RBM28: variants seen among roughly 807,000 people sequenced by gnomAD.
RBM28 encodes the protein RNA binding motif protein 28.
In RBM28, 78 loss-of-function variants were observed where a neutral mutation model predicts 98.3. The ratio of observed to expected loss-of-function variants is 0.79; its 90% confidence interval spans 0.66 to 0.96. The LOEUF (loss-of-function observed/expected upper bound fraction) is 0.96, where lower values mean the gene tolerates loss of function less well. Among genes scored for constraint, RBM28 ranks in the 40% least tolerant of loss-of-function variants. RBM28 has a pLI of 0.00. For missense variants in RBM28, 838 were observed against 913.0 expected (o/e 0.92, Z 1.06); for synonymous variants, 306 against 330.9 (o/e 0.92, Z 0.82).
At chr7:128,338,662 T>C in intron 4 of RBM28, 64 bp downstream of exon 4, 5 of 1,171,058 alleles carry the variant, frequency 4.3e-6, no homozygotes, top group Non-Finnish European at 3.9e-6. Flanking sequence ...ATATATCATA[T>C]ATGTTTGTTC....
chr7:128,302,062 G>A lies in RBM28; in HGVS notation c.*8735C>T, dbSNP rs1795788785. ...TCTTCTTCTGGGCCTCTGGGCCAGA[G>A]ACAGGCATTTTACTTGATGCGATCA... On this transcript the variant is annotated 3_prime_UTR_variant, in exon 19 of 19. Coordinates refer to ENST00000223073, the MANE Select transcript of RBM28 (RefSeq NM_018077.3). 6.6e-6 allele frequency: 1 copy of A among 152,178 alleles called. No homozygotes were observed. The allele number at this position is 152,178 out of a possible 1,614,324, so 9.4% of individuals were successfully genotyped here. A position where few individuals can be genotyped will look rare whatever the true frequency, so the allele number is the denominator to read the frequency against.
At chr7:128,326,127 AC>A (rs2116354802) in intron 10 of RBM28, among the ~76,000 whole-genome samples, 1 of 152,110 alleles carries the variant, frequency 6.6e-6, no homozygotes, top group African/African-American at 2.4e-5. Flanking sequence ...ACACAGTGAA[AC>A]CCCGTCGCTA....
intron 5 of RBM28, 92 bp from the exon 6 acceptor site, chr7:128,337,294 C>A: frequency 7.8e-7 from 1 of 1,277,732 alleles, no homozygotes; most frequent in South Asian, 1.2e-5. Flanking sequence ...AATAATGGAA[C>A]CAGTGGAGAC....
chr7:128,317,788 T>C (rs932065280), intron 15 of RBM28, 55 bp from the exon 16 acceptor site: 3 of 1,495,482 alleles, frequency 2.0e-6, no homozygotes, highest in Admixed American at 3.4e-5. Flanking sequence ...GTGCATGCAA[T>C]GAGCTGAGTT....
At chr7:128,340,907 G>A (rs1214003494) in intron 1 of RBM28, among the ~76,000 whole-genome samples, 1 of 152,150 alleles carries the variant, frequency 6.6e-6, no homozygotes, top group Non-Finnish European at 1.5e-5. Context: ...GTCACACAGG[G>A]TGTTAGTAGC....
chr7:128,313,444 G>C (rs1796032154), intron 17 of RBM28, among the ~76,000 whole-genome samples, 170 bp from the exon 18 acceptor site: 1 of 152,134 alleles, frequency 6.6e-6, no homozygotes, highest in South Asian at 2.1e-4. Context: ...AGGACTGCTT[G>C]ATGCCAGGAG....
At chr7:128,337,272 G>A (rs1796621967) in intron 5 of RBM28, 70 bp from the exon 6 acceptor site, 1 of 1,457,004 alleles carries the variant, frequency 6.9e-7, no homozygotes, top group East Asian at 2.3e-5. Context: ...ATGACCCCTA[G>A]TCATCACAGA....
At chr7:128,320,071 G>A (rs1332175606) in intron 14 of RBM28, among the ~76,000 whole-genome samples, 1 of 152,056 alleles carries the variant, frequency 6.6e-6, no homozygotes, top group East Asian at 1.9e-4. Context: ...ACAAAAATCA[G>A]CTGGGCGTGG....
At chr7:128,341,306 A>C (rs1796719148) in intron 1 of RBM28, 1 of 618,324 alleles carries the variant, frequency 1.6e-6, no homozygotes, top group Non-Finnish European at 2.5e-6. Context: ...GAAAATGAGC[A>C]CAAGAAAATT....
chr7:128,311,171 G>C (rs1005332195), intron 18 of RBM28, among the ~76,000 whole-genome samples: 5 of 152,098 alleles, frequency 3.3e-5, no homozygotes, highest in African/African-American at 1.2e-4. Flanking sequence ...CTGTCTGCTG[G>C]GGACTCAGGG....
chr7:128,319,855 C>CT (rs1796184123), intron 14 of RBM28, among the ~76,000 whole-genome samples: 1 of 152,082 alleles, frequency 6.6e-6, no homozygotes, highest in South Asian at 2.1e-4. Flanking sequence ...GGGGAATCAT[C>CT]TGAGCTCAGG....
intron 13 of RBM28, among the ~76,000 whole-genome samples, chr7:128,322,463 G>A (rs1796258114): frequency 6.6e-6 from 1 of 151,936 alleles, no homozygotes; most frequent in Non-Finnish European, 1.5e-5. Context: ...CTTCTTGTTT[G>A]GTAAAAGTAC....
At chr7:128,342,011 T>C (rs1796735137) in intron 1 of RBM28, among the ~76,000 whole-genome samples, 1 of 152,088 alleles carries the variant, frequency 6.6e-6, no homozygotes, top group African/African-American at 2.4e-5. Flanking sequence ...ATTCAAAAAT[T>C]GGCCAGGCAT....
intron 8 of RBM28, among the ~76,000 whole-genome samples, chr7:128,333,747 T>C (rs997908761): frequency 1.4e-4 from 22 of 151,914 alleles, no homozygotes; most frequent in African/African-American, 4.8e-4. Flanking sequence ...AAAATAAAAA[T>C]AGACAAAGGA....
In RBM28 at chr7:128,310,688, C is replaced by T; in HGVS notation, c.*109G>A. ...GGCACCTCCGAGCACAGTGGCAGTGCCCTTGGGGATTTTCTTTCCCTCAGT... is the reference window on the plus strand; with the variant it reads ...GGCACCTCCGAGCACAGTGGCAGTGTCCTTGGGGATTTTCTTTCCCTCAGT... On this transcript the variant is annotated 3_prime_UTR_variant, in exon 19 of 19. Transcript: ENST00000223073. 1 of 1,445,090 alleles carries T rather than the reference C, an allele frequency of 6.9e-7. No individual in the cohort carries two copies. Among genetic ancestry groups the T allele is most frequent in the Admixed American group, 1.7e-5 (1 of 59,788 alleles). The allele number at this position is 1,445,090 out of a possible 1,614,324, so 89.5% of individuals were successfully genotyped here. A position where few individuals can be genotyped will look rare whatever the true frequency, so the allele number is the denominator to read the frequency against.
rs1187050094 is a variant in RBM28 at position 128,307,698 on chromosome 7, T to C, written c.*3099A>G. ...GAACAGCTGCACATCATCTTAAGATTCCTTATTTAAAGGTTGTATCTCTAA... is the reference window on the plus strand; with the variant it reads ...GAACAGCTGCACATCATCTTAAGATCCCTTATTTAAAGGTTGTATCTCTAA... On this transcript the variant is annotated 3_prime_UTR_variant, in exon 19 of 19. Coordinates refer to ENST00000223073, the MANE Select transcript of RBM28 (RefSeq NM_018077.3). The C allele has an allele frequency of 2.0e-5, 3 of 152,222 alleles. No individual in the cohort carries two copies. The highest frequency in any genetic ancestry group is 2.9e-5 in the Non-Finnish European group (2 of 68,042). The allele number at this position is 152,222 out of a possible 1,614,324, so 9.4% of individuals were successfully genotyped here.
At chr7:128,337,611 T>C (rs891096471) in intron 5 of RBM28, among the ~76,000 whole-genome samples, 22 of 145,326 alleles carry the variant, frequency 1.5e-4, no homozygotes, top group African/African-American at 5.4e-4. Context: ...CAGGCTGGAG[T>C]GCAGTGGTGC....
chr7:128,343,587 G>A, intron 1 of RBM28, 89 bp downstream of exon 1: 1 of 912,564 alleles, frequency 1.1e-6, no homozygotes. Context: ...CTTCGGGGAG[G>A]GTAAAGAATG....
chr7:128,316,402 G>A (rs941156509), intron 16 of RBM28, among the ~76,000 whole-genome samples: 1 of 152,168 alleles, frequency 6.6e-6, no homozygotes, highest in South Asian at 2.1e-4. Flanking sequence ...AACAAATAAA[G>A]TAATTTGGAT....
Sources: allele counts gnomAD v4.1 joint callset (sites outside exome capture counted in the v4.1 genomes callset), GRCh38; gene constraint gnomAD v4.1.1; transcripts MANE v1.5; gene names NCBI Gene and HGNC (gene_info 2026-07-23, HGNC 2026-07-21).